ADAMTS9: variants seen among roughly 807,000 people sequenced by gnomAD.
ADAMTS9 encodes ADAM metallopeptidase with thrombospondin type 1 motif 9, also known as A disintegrin and metalloproteinase with thrombospondin motifs 9.
ADAMTS9 carries 107 observed loss-of-function variants against 257.1 expected under a neutral mutation model. That is an observed-to-expected ratio of 0.42 (90% CI 0.36 to 0.49). The LOEUF (loss-of-function observed/expected upper bound fraction) is 0.49, where lower values mean the gene tolerates loss of function less well. Among genes scored for constraint, ADAMTS9 ranks in the 20% least tolerant of loss-of-function variants. The pLI is 0.03. For missense variants in ADAMTS9, 2,353 were observed against 2,469.1 expected, an observed-to-expected ratio of 0.95 and a Z score of 1.00; for synonymous variants, 982 against 880.9, an observed-to-expected ratio of 1.11 and a Z score of -2.03.
In ADAMTS9 at chr3:64,686,798, A is replaced by T. The variant is rs36115950; in HGVS notation, c.286T>A (p.Ser96Thr). The change falls in exon 2 of 40, where the codon TCC becomes ACC. Residue 96 changes from serine (S) to threonine (T), a missense_variant. Physicochemically the swap from Ser to Thr is moderately conservative, Grantham distance 58 (BLOSUM62 1). Transcript: ENST00000498707. The surrounding 1 kb of genome is among the most constrained non-coding windows in gnomAD (Gnocchi z 4.6). ...GCAGAGAGGCGGTAATGCGCCTGGG[A>T]GGAGGTAGAGGAGGAAGAGGAGGAG... ...FASSSSSSTS[S>T]QAHYRLSAFG... 0.05 allele frequency: 81,472 copies of T among 1,613,648 alleles called. 4,496 individuals carry two copies. Among genetic ancestry groups the T allele is most frequent in the African/African-American group, 0.23 (16,913 of 74,938 alleles).
chr3:64,519,700 T>A (rs11718026), intron 39 of ADAMTS9, among the ~76,000 whole-genome samples: 1 of 151,952 alleles, frequency 6.6e-6, no homozygotes, highest in Non-Finnish European at 1.5e-5. Flanking sequence ...AAAAACAATA[T>A]GACCATATCA....
intron 3 of ADAMTS9, among the ~76,000 whole-genome samples, chr3:64,665,171 G>A (rs374420969): frequency 2.4e-4 from 36 of 152,244 alleles, no homozygotes; most frequent in African/African-American, 7.9e-4. Context: ...GTTTCCTATC[G>A]CCACATCATA....
In ADAMTS9 at chr3:64,518,041, G is replaced by T. The variant is rs148794857; in HGVS notation, c.*6-920C>A. Among the ~76,000 whole-genome samples the T allele has an allele frequency of 3.5e-3, 526 of 152,338 alleles. 2 individuals carry two copies. Among genetic ancestry groups the T allele is most frequent in the African/African-American group, 0.012 (498 of 41,584 alleles). On this transcript the variant is annotated intron_variant, in intron 39 of 39. Coordinates refer to ENST00000498707, the MANE Select transcript of ADAMTS9 (RefSeq NM_182920.2). ...AACAGAGATATTTTGCAGAATGCAT[G>T]CTAGGAGATGAGTGTTTACTTGAAT...
intron 37 of ADAMTS9, among the ~76,000 whole-genome samples, chr3:64,535,759 C>T (rs1388051339): frequency 6.6e-6 from 1 of 151,830 alleles, no homozygotes; most frequent in African/African-American, 2.4e-5. Flanking sequence ...CCATGTTGGC[C>T]AGGCTGGTCT....
intron 28 of ADAMTS9, among the ~76,000 whole-genome samples, chr3:64,575,842 A>AT (rs138075725): frequency 4.6e-5 from 7 of 152,058 alleles, no homozygotes; most frequent in South Asian, 4.2e-4. Context: ...CAAATGGTAC[A>AT]TTTTTTTTGC....
In ADAMTS9 at chr3:64,686,312, C is replaced by T. The variant is rs1701905215; in HGVS notation, c.516+256G>A. Among the ~76,000 whole-genome samples the T allele has an allele frequency of 6.6e-6, 1 of 152,248 alleles. No homozygotes were observed. Among genetic ancestry groups the T allele is most frequent in the South Asian group, 2.1e-4 (1 of 4,836 alleles). ...CGCCTCGCAGCGTTGGGCAACGCGC[C>T]GCTGAACCGAGTCCAAACTCCAGAA... On this transcript the variant is annotated intron_variant, in intron 2 of 39. Coordinates refer to ENST00000498707, the MANE Select transcript of ADAMTS9 (RefSeq NM_182920.2). The surrounding 1 kb of genome is among the most constrained non-coding windows in gnomAD (Gnocchi z 4.6).
intron 22 of ADAMTS9, 65 bp from the exon 23 acceptor site, chr3:64,607,144 A>G (rs1020858175): frequency 1.3e-6 from 2 of 1,588,166 alleles, no homozygotes; most frequent in East Asian, 2.2e-5. Flanking sequence ...TACTTTCCCC[A>G]TAACATTCTG....
At chr3:64,551,197 G>GT (rs1442966177) in intron 30 of ADAMTS9, 135 bp from the exon 31 acceptor site, 5 of 991,384 alleles carry the variant, frequency 5.0e-6, no homozygotes, top group Non-Finnish European at 5.8e-6. Context: ...AGAACTTCTC[G>GT]TTTTTTTGTT....
chr3:64,660,338 C>T (rs1701192754), intron 3 of ADAMTS9, among the ~76,000 whole-genome samples: 1 of 152,156 alleles, frequency 6.6e-6, no homozygotes. Flanking sequence ...TAACCAATTG[C>T]TAAAAGAATC....
intron 19 of ADAMTS9, among the ~76,000 whole-genome samples, chr3:64,617,115 G>T (rs922889130): frequency 1.3e-5 from 2 of 152,144 alleles, no homozygotes; most frequent in South Asian, 2.1e-4. Context: ...TGTTCAATGA[G>T]AAATTGTAAA....
intron 28 of ADAMTS9, 131 bp from the exon 29 acceptor site, chr3:64,568,666 T>A: frequency 1.9e-6 from 2 of 1,074,740 alleles, no homozygotes; most frequent in South Asian, 2.9e-5. Flanking sequence ...CAGCGCCAGT[T>A]TGGATAATAT....
intron 16 of ADAMTS9, among the ~76,000 whole-genome samples, chr3:64,623,699 C>T (rs1368972774): frequency 6.6e-6 from 1 of 152,210 alleles, no homozygotes; most frequent in South Asian, 2.1e-4. Context: ...TACATACTCT[C>T]TATCCGCTTT....
At chr3:64,654,525 T>A in intron 7 of ADAMTS9, 47 bp downstream of exon 7, 1 of 1,488,754 alleles carries the variant, frequency 6.7e-7, no homozygotes, top group Non-Finnish European at 8.9e-7. Flanking sequence ...AATACAAACA[T>A]GTAGTAAAAC....
chr3:64,599,913 A>C (rs1363028576), intron 26 of ADAMTS9, among the ~76,000 whole-genome samples: 2 of 152,180 alleles, frequency 1.3e-5, no homozygotes, highest in African/African-American at 2.4e-5. Context: ...ACAGCTGAAA[A>C]GATTTATTAT....
chr3:64,640,084 T>A (rs900811981), intron 12 of ADAMTS9, among the ~76,000 whole-genome samples: 11 of 152,308 alleles, frequency 7.2e-5, no homozygotes, highest in Middle Eastern at 3.4e-3. Flanking sequence ...ATTCAAAATA[T>A]AGGCTATATA....
intron 10 of ADAMTS9, among the ~76,000 whole-genome samples, chr3:64,648,632 AT>A (rs1281621586): frequency 1.3e-5 from 2 of 152,130 alleles, no homozygotes; most frequent in African/African-American, 2.4e-5. Flanking sequence ...TTAAAAGTTT[AT>A]TTTTTTAAAT....
chr3:64,600,637 G>C (rs1202425444), intron 26 of ADAMTS9, among the ~76,000 whole-genome samples: 3 of 152,178 alleles, frequency 2.0e-5, no homozygotes, highest in African/African-American at 7.2e-5. Flanking sequence ...TTACTTCCTT[G>C]GATCACCTTT....
chr3:64,530,677 T>A (rs2082969778), intron 38 of ADAMTS9, among the ~76,000 whole-genome samples: 1 of 152,176 alleles, frequency 6.6e-6, no homozygotes, highest in African/African-American at 2.4e-5. Flanking sequence ...ATTTTTAGTT[T>A]CTGGCTGAAA....
In ADAMTS9 at chr3:64,680,505, C is replaced by A. The variant is rs145180640; in HGVS notation, c.679+696G>T. Among the ~76,000 whole-genome samples, 338 of 152,236 alleles carry A rather than the reference C, an allele frequency of 2.2e-3. 9 individuals are homozygous for A. In the East Asian group the frequency reaches 0.062, roughly 28 times the overall value. The stretch of plus-strand genomic sequence containing the variant: ...TGCTACAAGACTGCAGATGAAGAAA[C>A]ACAGACAGAAGCTTTCCAGGGTGCC... On this transcript the variant is annotated intron_variant, in intron 3 of 39. Transcript: ENST00000498707.
Sources: allele counts gnomAD v4.1 joint callset (sites outside exome capture counted in the v4.1 genomes callset), GRCh38; gene constraint gnomAD v4.1.1; non-coding constraint Gnocchi (gnomAD v3.1); transcripts MANE v1.5; gene names NCBI Gene and HGNC (gene_info 2026-07-23, HGNC 2026-07-21).